Variants in MSRB3 observed in about 807,000 individuals in gnomAD.
The protein encoded by MSRB3 is methionine sulfoxide reductase B3.
Under a neutral mutation model 21.0 loss-of-function variants are expected in MSRB3, and 13 were observed. The ratio of observed to expected loss-of-function variants is 0.62; its 90% confidence interval spans 0.40 to 0.98. The LOEUF (loss-of-function observed/expected upper bound fraction) is 0.98, where lower values mean the gene tolerates loss of function less well. MSRB3 is among the 50% of genes least tolerant of loss of function. MSRB3 has a pLI of 0.00. For synonymous variants in MSRB3, 87 were observed against 88.6 expected, an observed-to-expected ratio of 0.98 and a Z score of 0.10; for missense variants, 199 against 230.3, an observed-to-expected ratio of 0.86 and a Z score of 0.88.
chr12:65,317,604 G>A (rs894343167), intron 2 of MSRB3, among the ~76,000 whole-genome samples: 20 of 152,130 alleles, frequency 1.3e-4, no homozygotes, highest in African/African-American at 4.1e-4. Flanking sequence ...TTTGAGGAAT[G>A]CTGGATCAGG....
At chr12:65,309,231 A>C (rs1309533739) in intron 2 of MSRB3, among the ~76,000 whole-genome samples, 1 of 152,212 alleles carries the variant, frequency 6.6e-6, no homozygotes, top group Non-Finnish European at 1.5e-5. Context: ...TGATTTTAAG[A>C]ATTTAAATAA....
chr12:65,416,618 A>C (rs1347309570), intron 5 of MSRB3, among the ~76,000 whole-genome samples: 6 of 152,224 alleles, frequency 3.9e-5, no homozygotes, highest in Admixed American at 3.9e-4. Flanking sequence ...GTAACTGGTT[A>C]AGTCTTTATG....
chr12:65,381,407 A>G (rs962277604), intron 5 of MSRB3, among the ~76,000 whole-genome samples: 10 of 152,182 alleles, frequency 6.6e-5, no homozygotes, highest in African/African-American at 2.4e-4. Context: ...ATTCCTGGGC[A>G]GAAATAAGCT....
At chr12:65,295,697 A>G (rs1401870608) in intron 1 of MSRB3, among the ~76,000 whole-genome samples, 3 of 152,232 alleles carry the variant, frequency 2.0e-5, no homozygotes, top group African/African-American at 7.2e-5. Flanking sequence ...ACAAAGAAGC[A>G]TAATTGGGAG....
intron 5 of MSRB3, among the ~76,000 whole-genome samples, chr12:65,402,442 G>A (rs181321901): frequency 9.2e-4 from 140 of 152,178 alleles, no homozygotes; most frequent in South Asian, 5.0e-3. Flanking sequence ...AAGTTCTTGC[G>A]CTGTGTTTTT....
At chr12:65,390,787 G>A (rs1467930465) in intron 5 of MSRB3, among the ~76,000 whole-genome samples, 1 of 152,062 alleles carries the variant, frequency 6.6e-6, no homozygotes, top group Non-Finnish European at 1.5e-5. Flanking sequence ...ATCCCTGTTG[G>A]ATTTTAATGG....
intron 5 of MSRB3, among the ~76,000 whole-genome samples, chr12:65,371,048 C>A (rs1324848325): frequency 6.6e-6 from 1 of 152,104 alleles, no homozygotes; most frequent in African/African-American, 2.4e-5. Flanking sequence ...TAGCATAGGG[C>A]CGGGCACAGT....
intron 5 of MSRB3, among the ~76,000 whole-genome samples, chr12:65,370,763 AATCT>A: frequency 6.6e-6 from 1 of 152,188 alleles, no homozygotes; most frequent in Non-Finnish European, 1.5e-5. Flanking sequence ...ATTTAAAAAA[AATCT>A]ATCATGGACA....
chr12:65,278,998 G>A, intron 1 of MSRB3, 133 bp downstream of exon 1: 6 of 1,474,594 alleles, frequency 4.1e-6, no homozygotes, highest in East Asian at 2.5e-5. Context: ...TGCGGGGACA[G>A]CCCCTGCCTC....
chr12:65,362,790 A>G (rs903751932), intron 4 of MSRB3, among the ~76,000 whole-genome samples: 4 of 152,146 alleles, frequency 2.6e-5, no homozygotes, highest in African/African-American at 9.7e-5. Flanking sequence ...AGGAGGAAGC[A>G]TTCCACGCAG....
At position 65,466,780 on chromosome 12, in the gene MSRB3, TA is replaced by T. The variant is rs1883590945; in HGVS notation, c.*3459del. ...GGTTAAATATTATTTTTGCCTTAGA[TA>T]GCTTTGTAATAATTTTTCTCCAGAC... On this transcript the variant is annotated 3_prime_UTR_variant, in exon 7 of 7. Transcript: ENST00000308259. 6.6e-6 allele frequency: 1 copy of T among 152,242 alleles called. No homozygotes were observed. Among genetic ancestry groups the T allele is most frequent in the Admixed American group, 6.5e-5 (1 of 15,280 alleles). The allele number at this position is 152,242 out of a possible 1,614,324, so 9.4% of individuals were successfully genotyped here. A position where few individuals can be genotyped will look rare whatever the true frequency, so the allele number is the denominator to read the frequency against.
chr12:65,422,334 A>G (rs1261836144), intron 5 of MSRB3, among the ~76,000 whole-genome samples: 2 of 143,268 alleles, frequency 1.4e-5, no homozygotes, highest in Non-Finnish European at 1.5e-5. Flanking sequence ...TAGAAAATTA[A>G]CAAAGATATT....
chr12:65,376,134 TTTTGAGACGGAGTCTCGCTC>T (rs1878602189), intron 5 of MSRB3, among the ~76,000 whole-genome samples: 2 of 150,974 alleles, frequency 1.3e-5, no homozygotes, highest in African/African-American at 2.4e-5. Context: ...TTTTTTTTTT[TTTTGAGACGGAGTCTCGCTC>T]TTTCGCCCAG....
intron 5 of MSRB3, among the ~76,000 whole-genome samples, chr12:65,397,193 T>C (rs1019911218): frequency 2.0e-5 from 3 of 152,222 alleles, no homozygotes; most frequent in Non-Finnish European, 2.9e-5. Flanking sequence ...AGCTATCTTT[T>C]GATTGGTGTC....
intron 4 of MSRB3, among the ~76,000 whole-genome samples, chr12:65,351,503 A>C (rs1876990052): frequency 6.7e-6 from 1 of 149,754 alleles, no homozygotes; most frequent in Admixed American, 6.6e-5. Flanking sequence ...AAAACCCTTC[A>C]AAAAATTAAT....
chr12:65,329,495 C>T (rs1460065620), intron 4 of MSRB3, among the ~76,000 whole-genome samples: 1 of 151,822 alleles, frequency 6.6e-6, no homozygotes, highest in Admixed American at 6.6e-5. Flanking sequence ...ACTAAAAATA[C>T]AAAAATTAGA....
At chr12:65,312,221 T>C (rs1161339471) in intron 2 of MSRB3, among the ~76,000 whole-genome samples, 3 of 152,078 alleles carry the variant, frequency 2.0e-5, no homozygotes, top group Non-Finnish European at 4.4e-5. Context: ...TAACTGTCAC[T>C]TGTTTTTACT....
chr12:65,377,231 G>A (rs887526443), intron 5 of MSRB3, among the ~76,000 whole-genome samples: 1 of 151,846 alleles, frequency 6.6e-6, no homozygotes, highest in African/African-American at 2.4e-5. Flanking sequence ...CCAAGTCTGT[G>A]AATTTCTTAA....
chr12:65,405,218 C>G (rs1364956798), intron 5 of MSRB3, among the ~76,000 whole-genome samples: 1 of 152,102 alleles, frequency 6.6e-6, no homozygotes, highest in Admixed American at 6.6e-5. Flanking sequence ...TCCCAAAGTA[C>G]AGGGATTACA....
Sources: allele counts gnomAD v4.1 joint callset (sites outside exome capture counted in the v4.1 genomes callset), GRCh38; gene constraint gnomAD v4.1.1; transcripts MANE v1.5; gene names NCBI Gene and HGNC (gene_info 2026-07-23, HGNC 2026-07-21).